ACBD5: variants seen among roughly 807,000 people sequenced by gnomAD.
The protein encoded by ACBD5 is acyl-CoA-binding domain-containing protein 5.
A neutral mutation model predicts 71.8 loss-of-function variants in ACBD5; 40 were observed. The ratio of observed to expected loss-of-function variants is 0.56; its 90% CI spans 0.43 to 0.72. The LOEUF (loss-of-function observed/expected upper bound fraction) is 0.72, where lower values mean the gene tolerates loss of function less well. Among genes scored for constraint, ACBD5 ranks in the 30% least tolerant of loss-of-function variants. The pLI is 0.00. For missense variants in ACBD5, 559 were observed against 644.5 expected, an observed-to-expected ratio of 0.87 and a Z score of 1.44; for synonymous variants, 229 against 218.6, an observed-to-expected ratio of 1.05 and a Z score of -0.42.
intron 9 of ACBD5, among the ~76,000 whole-genome samples, chr10:27,210,560 C>A (rs575934443): frequency 6.6e-6 from 1 of 152,264 alleles, no homozygotes; most frequent in Admixed American, 6.5e-5. Flanking sequence ...GAGTTCGAGA[C>A]CAGCCTGGCC....
intron 2 of ACBD5, among the ~76,000 whole-genome samples, chr10:27,236,549 A>T (rs899883967): frequency 1.2e-4 from 18 of 152,200 alleles, no homozygotes; most frequent in Non-Finnish European, 2.5e-4. Context: ...TAACAATTGT[A>T]ACAAGATATT....
intron 4 of ACBD5, among the ~76,000 whole-genome samples, chr10:27,225,077 C>CTTTTTT (rs369118936): frequency 2.2e-4 from 30 of 136,468 alleles, no homozygotes; most frequent in African/African-American, 8.1e-4. Flanking sequence ...CGCTCTCTTT[C>CTTTTTT]TTTTTTTTTT....
chr10:27,228,815 A>ATTTTTTTTT (rs1167438554), intron 4 of ACBD5, among the ~76,000 whole-genome samples: 6 of 20,368 alleles, frequency 2.9e-4, no homozygotes, highest in East Asian at 9.4e-4. Context: ...ATATATATAT[A>ATTTTTTTTT]TTTTTTTTTT....
intron 12 of ACBD5, among the ~76,000 whole-genome samples, chr10:27,202,236 T>C (rs917500351): frequency 6.6e-6 from 1 of 152,174 alleles, no homozygotes; most frequent in Non-Finnish European, 1.5e-5. Flanking sequence ...TTCCACCATA[T>C]CAAATATGGC....
intron 5 of ACBD5, chr10:27,220,567 CTG>C (rs2062205891): frequency 6.6e-6 from 1 of 152,188 alleles, no homozygotes; most frequent in African/African-American, 2.4e-5. Context: ...TTACTGGACA[CTG>C]TTTTGAGAAC....
intron 13 of ACBD5, among the ~76,000 whole-genome samples, chr10:27,186,207 T>C (rs1177099855): frequency 6.6e-6 from 1 of 152,244 alleles, no homozygotes; most frequent in Non-Finnish European, 1.5e-5. Context: ...ATGGCCCATG[T>C]AGACCTTTGT....
At chr10:27,193,114 C>CGTGTGTGT (rs58983291), downstream of ACBD5, among the ~76,000 whole-genome samples, 182 of 80,296 alleles carry the variant, frequency 2.3e-3, 1 homozygote, top group Non-Finnish European at 2.9e-3. Context: ...TTCCTTCCTT[C>CGTGTGTGT]GTGTGTGTGT....
chr10:27,234,774 A>C (rs980444814), intron 3 of ACBD5, among the ~76,000 whole-genome samples: 2 of 152,166 alleles, frequency 1.3e-5, no homozygotes, highest in Admixed American at 1.3e-4. Flanking sequence ...TCTACTAAAA[A>C]TACAAAAATT....
chr10:27,235,123 C>T lies in ACBD5; in HGVS notation c.271G>A (p.Gly91Arg). 1 of 1,613,930 alleles carries T rather than the reference C, an allele frequency of 6.2e-7. No individual in the cohort carries two copies. Among genetic ancestry groups the T allele is most frequent in the Non-Finnish European group, 8.5e-7 (1 of 1,179,968 alleles). ...TATCTTCCAATAGGATCCCAAAATC[C>T]AGGCCTTGAAAGTTTACAGGGTCCT... ...TEGPCKLSRP[G>R]FWDPIGRYKW... The change falls in exon 3 of 13, where the codon GGA becomes AGA. Residue 91 changes from glycine to arginine, a missense_variant. Coordinates refer to ENST00000396271, the MANE Select transcript of ACBD5 (RefSeq NM_145698.5).
At chr10:27,202,508 A>G (rs1016986733) in intron 12 of ACBD5, among the ~76,000 whole-genome samples, 2 of 152,342 alleles carry the variant, frequency 1.3e-5, no homozygotes, top group Non-Finnish European at 2.9e-5. Context: ...CCTTTTACAA[A>G]ACTTCTATTA....
At position 27,197,113 on chromosome 10, in the gene ACBD5, G is replaced by A; in HGVS notation, c.*317C>T. 1 of 486,720 alleles carries A rather than the reference G, an allele frequency of 2.1e-6. No individual in the cohort carries two copies. The highest frequency in any genetic ancestry group is 3.8e-6 in the Non-Finnish European group (1 of 259,976). The allele number at this position is 486,720 out of a possible 1,614,324, so 30.2% of individuals were successfully genotyped here. On this transcript the variant is annotated 3_prime_UTR_variant, in exon 13 of 13. Transcript: ENST00000396271. ...AAGCAGCTTATGTTACTCTATGGAA[G>A]ATAATCAGGTAAACATGTTACCAAA...
chr10:27,194,200 G>A (rs559468310), downstream of ACBD5, among the ~76,000 whole-genome samples: 40 of 150,556 alleles, frequency 2.7e-4, no homozygotes, highest in African/African-American at 7.8e-4. Context: ...GCAGTGAGCC[G>A]AGACGGCACC....
rs540287146 is a variant in ACBD5, at chr10:27,209,463, C to T, written c.1205-1018G>A. On this transcript the variant is annotated intron_variant, in intron 9 of 12. Transcript: ENST00000396271. ...TCAGCCTCCCAAGCAACTGGGATTA[C>T]AGGCGCATGCCACTACGCCCGGCTA... is the stretch of plus-strand genomic sequence containing the variant. Among the ~76,000 whole-genome samples the T allele has an allele frequency of 4.6e-5, 7 of 152,254 alleles. No homozygotes were observed. In the South Asian group the frequency reaches 1.5e-3, roughly 32 times the overall value.
chr10:27,232,805 C>A (rs572793116), intron 3 of ACBD5, among the ~76,000 whole-genome samples: 1 of 152,134 alleles, frequency 6.6e-6, no homozygotes, highest in Non-Finnish European at 1.5e-5. Context: ...AATTTTTGCC[C>A]GACATGTAAA....
intron 4 of ACBD5, among the ~76,000 whole-genome samples, chr10:27,228,556 G>T (rs980539194): frequency 1.5e-4 from 22 of 151,330 alleles, no homozygotes; most frequent in Admixed American, 7.9e-4. Context: ...TAGCCCAGGC[G>T]ACAGTGCGAG....
intron 4 of ACBD5, among the ~76,000 whole-genome samples, chr10:27,227,374 C>A (rs1016348563): frequency 6.6e-6 from 1 of 152,036 alleles, no homozygotes. Flanking sequence ...ATTCCTCAGG[C>A]TTTTTTGGTC....
chr10:27,228,813 ATATTTTTTTTTTT>A (rs1208489041), intron 4 of ACBD5, among the ~76,000 whole-genome samples: 52 of 7,632 alleles, frequency 6.8e-3, no homozygotes, highest in Non-Finnish European at 0.017. Context: ...ATATATATAT[ATATTTTTTTTTTT>A]TTTTTTTTTT....
At chr10:27,236,969 T>A (rs1272520957) in intron 2 of ACBD5, among the ~76,000 whole-genome samples, 2 of 149,034 alleles carry the variant, frequency 1.3e-5, no homozygotes, top group Non-Finnish European at 3.0e-5. Flanking sequence ...TGGCCGAGAG[T>A]GCATAATTAA....
At chr10:27,200,835 A>G (rs2059847072) in intron 12 of ACBD5, among the ~76,000 whole-genome samples, 1 of 152,132 alleles carries the variant, frequency 6.6e-6, no homozygotes, top group Admixed American at 6.6e-5. Context: ...GTGAGATCCA[A>G]GAACTCCCTC....
Sources: gnomAD v4.1 joint callset for allele counts (sites outside exome capture counted in the v4.1 genomes callset) on GRCh38, gnomAD v4.1.1 for gene constraint, MANE v1.5 for transcripts, NCBI Gene and HGNC (gene_info 2026-07-23, HGNC 2026-07-21) for gene names.